Variants in FER observed in about 807,000 individuals in gnomAD.
FER encodes tyrosine-protein kinase Fer.
A neutral mutation model predicts 111.0 loss-of-function variants in FER; 63 were observed. The ratio of observed to expected loss-of-function variants is 0.57; its 90% CI spans 0.46 to 0.70. The LOEUF (loss-of-function observed/expected upper bound fraction) is 0.70. Ranked by LOEUF, FER falls within the 30% of genes least tolerant of loss-of-function variation. FER has a pLI of 0.00. For missense variants in FER, 914 were observed against 954.0 expected (o/e 0.96, Z 0.55); for synonymous variants, 327 against 313.9 (o/e 1.04, Z -0.44).
At chr5:109,147,278 A>G (rs1413889183) in intron 17 of FER, among the ~76,000 whole-genome samples, 1 of 152,126 alleles carries the variant, frequency 6.6e-6, no homozygotes, top group Non-Finnish European at 1.5e-5. Flanking sequence ...AAAGAATGCT[A>G]TGAATCGATG....
intron 18 of FER, among the ~76,000 whole-genome samples, chr5:109,182,279 T>C (rs1174316097): frequency 1.3e-5 from 2 of 152,194 alleles, no homozygotes; most frequent in Non-Finnish European, 2.9e-5. Context: ...TGGAAGTTGA[T>C]TGGGGCTGAC....
chr5:108,980,047 G>T (rs1312366734), intron 13 of FER, among the ~76,000 whole-genome samples: 1 of 151,610 alleles, frequency 6.6e-6, no homozygotes, highest in Non-Finnish European at 1.5e-5. Flanking sequence ...CAAAACTTTT[G>T]TTTTTTTTCT....
chr5:108,803,456 T>C (rs1488726543), intron 3 of FER, among the ~76,000 whole-genome samples: 2 of 152,168 alleles, frequency 1.3e-5, no homozygotes, highest in South Asian at 2.1e-4. Context: ...AGGATTCTTA[T>C]AGTTTGAGGT....
At chr5:108,801,314 G>C (rs1464120207) in intron 3 of FER, among the ~76,000 whole-genome samples, 1 of 152,146 alleles carries the variant, frequency 6.6e-6, no homozygotes, top group Non-Finnish European at 1.5e-5. Context: ...TAACCATAAT[G>C]CGAGTCTATT....
chr5:108,963,812 A>G (rs1276059530), intron 13 of FER, among the ~76,000 whole-genome samples: 3 of 152,192 alleles, frequency 2.0e-5, no homozygotes, highest in African/African-American at 7.2e-5. Flanking sequence ...TGCAAAGGAC[A>G]GTTTTTAAGA....
chr5:109,004,093 C>G lies in FER; in HGVS notation c.1657-33329C>G, dbSNP rs116343058. Among the ~76,000 whole-genome samples, 1,503 of 152,236 alleles carry G rather than the reference C, an allele frequency of 9.9e-3. 19 individuals are homozygous for G. The highest frequency in any genetic ancestry group is 0.014 in the Non-Finnish European group (925 of 68,014). On this transcript the variant is annotated intron_variant, in intron 13 of 19. Coordinates refer to ENST00000281092, the MANE Select transcript of FER (RefSeq NM_005246.4). ...ATAATGGTATGAGGAAGTGAGCACT[C>G]TCATACTCTGCTGATGCAAATGTAA...
intron 2 of FER, among the ~76,000 whole-genome samples, chr5:108,794,926 T>C (rs1009087257): frequency 1.3e-5 from 2 of 152,236 alleles, no homozygotes; most frequent in East Asian, 3.8e-4. Context: ...TTTACATCTT[T>C]CTACAGGTTT....
chr5:108,838,714 T>C (rs78071167), intron 5 of FER, among the ~76,000 whole-genome samples: 9,826 of 152,294 alleles, frequency 0.065, 427 homozygotes, highest in South Asian at 0.087. Context: ...TCATTTACAA[T>C]ATGAATTTAG....
rs553017312 is a variant in FER, at chr5:109,060,079, A to T, written c.1924+12881A>T. On this transcript the variant is annotated intron_variant, in intron 16 of 19. Transcript: ENST00000281092. ...AAGTGAAGTCAAAAGACTACACGTTATATGATTCCATTTATATGAAATACC... is the reference window on the plus strand; with the variant it reads ...AAGTGAAGTCAAAAGACTACACGTTTTATGATTCCATTTATATGAAATACC... 1.8e-4 allele frequency among the ~76,000 whole-genome samples: 28 copies of T among 152,338 alleles called. 1 individual carries two copies. In the South Asian group the frequency reaches 5.8e-3, roughly 32 times the overall value.
rs1750948628 is a variant in FER, at chr5:109,121,358, G to A, written c.2048+20839G>A. Among the ~76,000 whole-genome samples, 4 of 152,188 alleles carry A rather than the reference G, an allele frequency of 2.6e-5. No individual in the cohort carries two copies. In the South Asian group the frequency reaches 8.3e-4, roughly 32 times the overall value. On this transcript the variant is annotated intron_variant, in intron 17 of 19. Transcript: ENST00000281092. The stretch of plus-strand genomic sequence containing the variant: ...CAACATCAATTGAAATGATAATATG[G>A]TTTTTGTCCTCCATTCTGTTGATGT...
intron 5 of FER, among the ~76,000 whole-genome samples, chr5:108,850,801 A>G (rs542803265): frequency 6.6e-6 from 1 of 152,298 alleles, no homozygotes; most frequent in East Asian, 1.9e-4. Flanking sequence ...GTCACTTACA[A>G]TGTTAGATAG....
intron 17 of FER, among the ~76,000 whole-genome samples, chr5:109,164,800 A>T (rs1756363808): frequency 6.6e-6 from 1 of 152,108 alleles, no homozygotes; most frequent in Non-Finnish European, 1.5e-5. Flanking sequence ...CATGTATGTG[A>T]ACAGGAGAGC....
intron 17 of FER, among the ~76,000 whole-genome samples, chr5:109,120,282 A>C (rs991101193): frequency 1.3e-5 from 2 of 152,188 alleles, no homozygotes; most frequent in East Asian, 1.9e-4. Flanking sequence ...ATTTTTGTAT[A>C]TGGCAAGAGA....
chr5:108,966,828 T>A (rs912072097), intron 13 of FER, among the ~76,000 whole-genome samples: 1 of 152,164 alleles, frequency 6.6e-6, no homozygotes, highest in African/African-American at 2.4e-5. Flanking sequence ...CCCCCATTTC[T>A]TGTTGGAAGC....
chr5:108,884,752 C>T (rs1746838494), intron 9 of FER, among the ~76,000 whole-genome samples: 1 of 151,856 alleles, frequency 6.6e-6, no homozygotes, highest in Non-Finnish European at 1.5e-5. Flanking sequence ...TTTCTTAGTT[C>T]GAACTTGTTC....
At chr5:108,771,743 AAT>A (rs1331175378) in intron 2 of FER, among the ~76,000 whole-genome samples, 1 of 152,230 alleles carries the variant, frequency 6.6e-6, no homozygotes, top group African/African-American at 2.4e-5. Flanking sequence ...ATATGTAAAA[AAT>A]ATGTTAAAAA....
At chr5:108,851,411 ACCTCCCACTGGGTC>A (rs1335558256) in intron 5 of FER, among the ~76,000 whole-genome samples, 1 of 152,074 alleles carries the variant, frequency 6.6e-6, no homozygotes, top group African/African-American at 2.4e-5. Context: ...TGATTCAGTT[ACCTCCCACTGGGTC>A]CCTCCCACAA....
chr5:108,883,504 T>A lies in FER; in HGVS notation c.1032T>A (p.Cys344Ter), dbSNP rs778618874. Residue 344 changes from cysteine to a stop codon, truncating the protein, a stop_gained, in exon 9 of 20, where the codon TGT (cysteine) becomes TGA (stop). Coordinates refer to ENST00000281092, the MANE Select transcript of FER (RefSeq NM_005246.4). LOFTEE classifies it high-confidence loss of function. ...EKRIEESSET[C>*]EKKSDIVLLL... ...GAATTGAAGAATCTTCTGAAACTTG[T>A]GAGAAGAAGTCTGAGTGAGTAAAAG... 6.2e-7 allele frequency: 1 copy of A among 1,603,344 alleles called. No homozygotes were observed. Among genetic ancestry groups the A allele is most frequent in the Non-Finnish European group, 8.5e-7 (1 of 1,173,944 alleles).
At chr5:108,991,484 A>G (rs1451546279) in intron 13 of FER, among the ~76,000 whole-genome samples, 1 of 152,180 alleles carries the variant, frequency 6.6e-6, no homozygotes, top group Non-Finnish European at 1.5e-5. Context: ...GAAAAGATGT[A>G]TCATTAAAAG....
Sources: gnomAD v4.1 joint callset for allele counts (sites outside exome capture counted in the v4.1 genomes callset) on GRCh38, gnomAD v4.1.1 for gene constraint, MANE v1.5 for transcripts, NCBI Gene and HGNC (gene_info 2026-07-23, HGNC 2026-07-21) for gene names.